The following SV2B variants were observed in gnomAD, a reference collection of about 807,000 sequenced individuals.
SV2B encodes the protein solute carrier family 22 member B2.
Under a neutral mutation model 73.9 loss-of-function variants are expected in SV2B, and 41 were observed. That is an observed-to-expected ratio of 0.56 (90% CI 0.43 to 0.72). The LOEUF is 0.72. Ranked by LOEUF, SV2B falls within the 30% of genes least tolerant of loss-of-function variation. The pLI is 0.00. For synonymous variants in SV2B, 314 were observed against 314.2 expected (o/e 1.00, Z 0.01); for missense variants, 764 against 857.8 (o/e 0.89, Z 1.37).
At position 91,224,795 on chromosome 15, in the gene SV2B, T is replaced by C. The variant is rs1450407200; in HGVS notation, c.-391-1078T>C. Among the ~76,000 whole-genome samples the C allele has an allele frequency of 6.6e-6, 1 of 152,186 alleles. No individual in the cohort carries two copies. The highest frequency in any genetic ancestry group is 1.5e-5 in the Non-Finnish European group (1 of 68,028). On this transcript the variant is annotated intron_variant, in intron 1 of 12. Coordinates refer to ENST00000394232, the MANE Select transcript of SV2B (RefSeq NM_001323032.3). The surrounding 1 kb of genome is among the most constrained non-coding windows in gnomAD (Gnocchi z 4.9). Reference sequence around the variant, plus strand: ...TAAGAGATGTGATACACTCAGCACATGTTCTGGCACACAGTAGGCCACAAT... The same window carrying C: ...TAAGAGATGTGATACACTCAGCACACGTTCTGGCACACAGTAGGCCACAAT...
chr15:91,232,628 G>T lies in SV2B; in HGVS notation c.451+5914G>T, dbSNP rs1229629328. 6.6e-6 allele frequency among the ~76,000 whole-genome samples: 1 copy of T among 152,156 alleles called. No individual in the cohort carries two copies. The highest frequency in any genetic ancestry group is 1.5e-5 in the Non-Finnish European group (1 of 68,020). ...ATTGGTTCTGGGGTTTCTGGAATTGGCTTTCTAATCTGATTAGATTTAAAG... is the reference window on the plus strand; with the variant it reads ...ATTGGTTCTGGGGTTTCTGGAATTGTCTTTCTAATCTGATTAGATTTAAAG... On this transcript the variant is annotated intron_variant, in intron 2 of 12. Coordinates refer to ENST00000394232, the MANE Select transcript of SV2B (RefSeq NM_001323032.3). This position sits in a 1 kb window ranked among gnomAD's most constrained non-coding sequence, Gnocchi z 4.7.
chr15:91,104,441 C>T (rs548335915), intron 1 of SV2B, among the ~76,000 whole-genome samples: 13 of 152,176 alleles, frequency 8.5e-5, no homozygotes, highest in Non-Finnish European at 1.6e-4. Flanking sequence ...ACTGGCACTC[C>T]GTCACTTTAT....
chr15:91,198,477 G>A (rs1310245271), intron 1 of SV2B, among the ~76,000 whole-genome samples: 3 of 151,632 alleles, frequency 2.0e-5, no homozygotes, highest in Admixed American at 2.0e-4. Flanking sequence ...GTGTGTGTGT[G>A]TGTGTGTGTG....
intron 2 of SV2B, among the ~76,000 whole-genome samples, chr15:91,228,137 G>C (rs1397609617): frequency 2.0e-5 from 3 of 152,090 alleles, no homozygotes; most frequent in Non-Finnish European, 2.9e-5. Flanking sequence ...TGTCCCTGGG[G>C]GCTCTTAAAA....
At position 91,289,775 on chromosome 15, in the gene SV2B, C is replaced by A. The variant is rs1033117902; in HGVS notation, c.1868+95C>A. ...TAAATCTCATGCTGTGCATGGCCAT[C>A]GTGGTCTTTCTGCTGTTCCGTGAAA... is the stretch of plus-strand genomic sequence containing the variant. On this transcript the variant is annotated intron_variant, in intron 12 of 12. Coordinates refer to ENST00000394232, the MANE Select transcript of SV2B (RefSeq NM_001323032.3). This position sits in a 1 kb window ranked among gnomAD's most constrained non-coding sequence, Gnocchi z 4.9. 2.2e-6 allele frequency: 3 copies of A among 1,340,058 alleles called. No individual in the cohort carries two copies. The highest frequency in any genetic ancestry group is 3.0e-6 in the Non-Finnish European group (3 of 985,550). 83.0% of individuals were successfully genotyped at this position (1,340,058 alleles called of 1,614,324 possible).
At chr15:91,181,182 T>G (rs1188353667) in intron 1 of SV2B, among the ~76,000 whole-genome samples, 1 of 152,232 alleles carries the variant, frequency 6.6e-6, no homozygotes, top group African/African-American at 2.4e-5. Flanking sequence ...TGCCTGGGTT[T>G]CAGCAGCAGT....
chr15:91,289,430 G>A lies in SV2B; in HGVS notation c.1709-91G>A. 2 of 1,530,180 alleles carry A rather than the reference G, an allele frequency of 1.3e-6. No individual in the cohort carries two copies. Among genetic ancestry groups the A allele is most frequent in the Non-Finnish European group, 1.8e-6 (2 of 1,106,784 alleles). The allele number at this position is 1,530,180 out of a possible 1,614,324, so 94.8% of individuals were successfully genotyped here. On this transcript the variant is annotated intron_variant, in intron 11 of 12. Transcript: ENST00000394232. The surrounding 1 kb of genome is among the most constrained non-coding windows in gnomAD (Gnocchi z 4.9). Reference sequence around the variant, plus strand: ...CAGCCTTGGCTTCAGGTGTACCAGTGAGGGTGGGAGATGGGGCAAGAACTG... The same window carrying A: ...CAGCCTTGGCTTCAGGTGTACCAGTAAGGGTGGGAGATGGGGCAAGAACTG...
intron 1 of SV2B, among the ~76,000 whole-genome samples, chr15:91,157,797 A>G (rs1017727743): frequency 1.3e-5 from 2 of 152,170 alleles, no homozygotes; most frequent in African/African-American, 4.8e-5. Context: ...GAACAAGTGT[A>G]TTAGTCTGGC....
At chr15:91,147,953 C>T (rs2043192626) in intron 1 of SV2B, among the ~76,000 whole-genome samples, 1 of 145,430 alleles carries the variant, frequency 6.9e-6, no homozygotes, top group Non-Finnish European at 1.5e-5. Flanking sequence ...CCCCACCCCG[C>T]ACCCCCCCCA....
In SV2B at chr15:91,281,883, T is replaced by C. The variant is rs759971830; in HGVS notation, c.1507+22T>C. On this transcript the variant is annotated intron_variant, in intron 10 of 12. Transcript: ENST00000394232. The surrounding 1 kb of genome is among the most constrained non-coding windows in gnomAD (Gnocchi z 4.7). The stretch of plus-strand genomic sequence containing the variant: ...ACAGGTAGGTAAGAACATTGACAGA[T>C]TGAATAGAAAGTAACAGGAGACAAC... 4 of 1,591,748 alleles carry C rather than the reference T, an allele frequency of 2.5e-6. No individual in the cohort carries two copies. The highest frequency in any genetic ancestry group is 4.5e-5 in the East Asian group (2 of 44,470).
At chr15:91,210,600 C>G (rs2045821142) in intron 1 of SV2B, among the ~76,000 whole-genome samples, 2 of 152,136 alleles carry the variant, frequency 1.3e-5, no homozygotes. Context: ...ATCATCCCTT[C>G]TAGCCTGCCC....
rs1013086529 is a variant in SV2B, at chr15:91,187,378, G to A, written c.-391-38495G>A. Among the ~76,000 whole-genome samples the A allele has an allele frequency of 6.6e-5, 10 of 152,116 alleles. No individual in the cohort carries two copies. In the South Asian group the frequency reaches 8.3e-4, roughly 13 times the overall value. ...TCACATTTAATCGATAATTTTTTAC[G>A]TGGCAGCAGAACAAGAGAACATTCC... On this transcript the variant is annotated intron_variant, in intron 1 of 12. Transcript: ENST00000394232.
At chr15:91,154,911 G>A (rs1487698118) in intron 1 of SV2B, among the ~76,000 whole-genome samples, 2 of 152,132 alleles carry the variant, frequency 1.3e-5, no homozygotes, top group African/African-American at 4.8e-5. Context: ...GGTTCCTTGG[G>A]GAGGTGCCTG....
rs1260534215 is a variant in SV2B at position 91,197,052 on chromosome 15, C to T, written c.-391-28821C>T. Among the ~76,000 whole-genome samples, 1 of 152,228 alleles carries T rather than the reference C, an allele frequency of 6.6e-6. No individual in the cohort carries two copies. The highest frequency in any genetic ancestry group is 1.5e-5 in the Non-Finnish European group (1 of 68,044). On this transcript the variant is annotated intron_variant, in intron 1 of 12. Coordinates refer to ENST00000394232, the MANE Select transcript of SV2B (RefSeq NM_001323032.3). This position sits in a 1 kb window ranked among gnomAD's most constrained non-coding sequence, Gnocchi z 4.9. ...CTGTTGCTCCGCCTGCCGGCTGTGGCAGCCTTTAGCCCATAGATGCTGATC... is the reference window on the plus strand; with the variant it reads ...CTGTTGCTCCGCCTGCCGGCTGTGGTAGCCTTTAGCCCATAGATGCTGATC...
At chr15:91,273,842 T>C (rs1202947000) in intron 9 of SV2B, among the ~76,000 whole-genome samples, 1 of 152,244 alleles carries the variant, frequency 6.6e-6, no homozygotes, top group Non-Finnish European at 1.5e-5. Flanking sequence ...TGTCATAAGT[T>C]TGGTGCTTTA....
chr15:91,134,759 C>A (rs1005854740), intron 1 of SV2B, among the ~76,000 whole-genome samples: 6 of 152,120 alleles, frequency 3.9e-5, no homozygotes, highest in Non-Finnish European at 8.8e-5. Context: ...TTATTAGCTC[C>A]TTTTCTTTAA....
At chr15:91,167,246 C>G (rs114334675) in intron 1 of SV2B, among the ~76,000 whole-genome samples, 11,698 of 152,122 alleles carry the variant, frequency 0.077, 505 homozygotes, top group Non-Finnish European at 0.09. Context: ...GTCATTTTGG[C>G]ATTGGTATCT....
At position 91,140,020 on chromosome 15, in the gene SV2B, C is replaced by A. The variant is rs7162013; in HGVS notation, c.-392+39657C>A. Among the ~76,000 whole-genome samples, 87,486 of 151,962 alleles carry A rather than the reference C, an allele frequency of 0.58. 26,816 individuals are homozygous for A. Among genetic ancestry groups the A allele is most frequent in the African/African-American group, 0.79 (32,844 of 41,494 alleles). ...GTGTGGTCCTTGGACCAGTAGCATC[C>A]GCATCACCTGGGAGCTTGCTAGAAA... On this transcript the variant is annotated intron_variant, in intron 1 of 12. Coordinates refer to ENST00000394232, the MANE Select transcript of SV2B (RefSeq NM_001323032.3). The surrounding 1 kb of genome is among the most constrained non-coding windows in gnomAD (Gnocchi z 4.4).
At chr15:91,256,988 T>C (rs2141634613) in intron 4 of SV2B, among the ~76,000 whole-genome samples, 1 of 152,354 alleles carries the variant, frequency 6.6e-6, no homozygotes, top group South Asian at 2.1e-4. Context: ...TCCAAATAAC[T>C]ATTGCCCTCT....
Sources: allele counts gnomAD v4.1 joint callset (sites outside exome capture counted in the v4.1 genomes callset), GRCh38; gene constraint gnomAD v4.1.1; non-coding constraint Gnocchi (gnomAD v3.1); transcripts MANE v1.5; gene names NCBI Gene and HGNC (gene_info 2026-07-23, HGNC 2026-07-21).